The following TAF1A variants were observed in gnomAD, a reference collection of about 807,000 sequenced individuals.
The protein encoded by TAF1A is TATA-box binding protein associated factor, RNA polymerase I subunit A.
A neutral mutation model predicts 61.6 loss-of-function variants in TAF1A; 42 were observed. The ratio of observed to expected loss-of-function variants is 0.68; its 90% CI spans 0.53 to 0.88. The LOEUF (loss-of-function observed/expected upper bound fraction) is 0.88. Ranked by LOEUF, TAF1A falls within the 40% of genes least tolerant of loss-of-function variation. The pLI is 0.00. For synonymous variants in TAF1A, 179 were observed against 177.7 expected, an observed-to-expected ratio of 1.01 and a Z score of -0.06; for missense variants, 424 against 518.7, an observed-to-expected ratio of 0.82 and a Z score of 1.77.
At chr1:222,585,686 A>G (rs1235646825) in intron 2 of TAF1A, among the ~76,000 whole-genome samples, 4 of 144,326 alleles carry the variant, frequency 2.8e-5, no homozygotes. Flanking sequence ...CAACCTAGAA[A>G]AAGTTTTAAT....
chr1:222,580,826 G>A (rs1660758852), intron 3 of TAF1A, among the ~76,000 whole-genome samples: 2 of 151,854 alleles, frequency 1.3e-5, no homozygotes, highest in South Asian at 4.2e-4. Context: ...CACCACCAGT[G>A]TACACAGTAA....
At chr1:222,560,322 G>A (rs949358670) in intron 10 of TAF1A, among the ~76,000 whole-genome samples, 2 of 152,154 alleles carry the variant, frequency 1.3e-5, no homozygotes, top group African/African-American at 4.8e-5. Flanking sequence ...TATTTGTAGA[G>A]CACTTTAGAA....
chr1:222,569,883 G>T (rs1660279781), intron 6 of TAF1A, among the ~76,000 whole-genome samples: 1 of 152,062 alleles, frequency 6.6e-6, no homozygotes, highest in Non-Finnish European at 1.5e-5. Flanking sequence ...TCAAAGCAGG[G>T]AACACTAATG....
At chr1:222,581,297 G>A (rs190595140) in intron 3 of TAF1A, among the ~76,000 whole-genome samples, 2 of 152,310 alleles carry the variant, frequency 1.3e-5, no homozygotes, top group African/African-American at 4.8e-5. Flanking sequence ...ATGTTTTACA[G>A]GAGTATGTAA....
rs1478108578 is a variant in TAF1A at position 222,588,496 on chromosome 1, A to G, written c.68T>C (p.Leu23Pro). The G allele has an allele frequency of 1.2e-6, 2 of 1,614,102 alleles. No individual in the cohort carries two copies. The highest frequency in any genetic ancestry group is 1.7e-5 in the Admixed American group (1 of 60,018). The change falls in exon 2 of 11, where the codon CTC (leucine) becomes CCC (proline). Residue 23 changes from leucine to proline, a missense_variant. Leu to Pro is a moderately conservative substitution (Grantham distance 98, BLOSUM62 -3). Coordinates refer to ENST00000352967, the MANE Select transcript of TAF1A (RefSeq NM_005681.4). ...TDDEEVETSV[L>P]SGAGMHFPWL... is the part of the protein sequence containing the mutation. ...AGGAAAATGCATTCCTGCACCACTGAGCACAGATGTTTCCACTTCTTCATC... is the reference window on the plus strand; with the variant it reads ...AGGAAAATGCATTCCTGCACCACTGGGCACAGATGTTTCCACTTCTTCATC...
intron 7 of TAF1A, among the ~76,000 whole-genome samples, chr1:222,568,469 C>T (rs1382813503): frequency 1.8e-5 from 2 of 112,688 alleles, no homozygotes; most frequent in Non-Finnish European, 3.9e-5. Context: ...TAGTTGGACA[C>T]ATGACAAAAG....
intron 5 of TAF1A, among the ~76,000 whole-genome samples, chr1:222,572,444 A>G (rs1231107521): frequency 6.6e-6 from 1 of 152,028 alleles, no homozygotes; most frequent in Non-Finnish European, 1.5e-5. Context: ...GCCTCACTCT[A>G]CCTCCTGGGC....
At position 222,577,479 on chromosome 1, in the gene TAF1A, G is replaced by C. The variant is rs1199842909; in HGVS notation, c.570C>G (p.Thr190=). Residue 190 remains threonine, a synonymous_variant, in exon 5 of 11, where the codon ACC becomes ACG. Transcript: ENST00000352967. ...QAYKGLLQYY[T]WSEKKMELSK... ...ACAATTCCATCTTCTTTTCAGACCA[G>C]GTATAATACTGTAAAAGCCCTTTAT... 6.2e-7 allele frequency: 1 copy of C among 1,613,788 alleles called. No individual in the cohort carries two copies. The highest frequency in any genetic ancestry group is 1.7e-5 in the Admixed American group (1 of 60,004).
intron 9 of TAF1A, among the ~76,000 whole-genome samples, chr1:222,562,186 T>C (rs542409140): frequency 1.3e-5 from 2 of 152,240 alleles, no homozygotes; most frequent in Non-Finnish European, 2.9e-5. Context: ...ACATGTTTCA[T>C]ATACATATAG....
At chr1:222,576,063 A>G (rs1251283208) in intron 5 of TAF1A, among the ~76,000 whole-genome samples, 1 of 152,234 alleles carries the variant, frequency 6.6e-6, no homozygotes, top group Admixed American at 6.5e-5. Flanking sequence ...AAACGGGAAG[A>G]TATCTGGACT....
chr1:222,561,233 T>C, intron 10 of TAF1A, 131 bp downstream of exon 10: 2 of 819,980 alleles, frequency 2.4e-6, no homozygotes, highest in Admixed American at 3.2e-5. Flanking sequence ...CACTCTTCCA[T>C]TGAGCAGTTA....
At chr1:222,583,412 C>A (rs369601326) in intron 3 of TAF1A, among the ~76,000 whole-genome samples, 31 of 97,630 alleles carry the variant, frequency 3.2e-4, no homozygotes, top group Middle Eastern at 9.0e-3. Context: ...GTATAAAAAA[C>A]GTCTTGATAA....
intron 5 of TAF1A, 44 bp downstream of exon 5, chr1:222,577,401 C>T: frequency 6.8e-7 from 1 of 1,474,036 alleles, no homozygotes; most frequent in Non-Finnish European, 9.5e-7. Context: ...ATCCCTCTGC[C>T]CCTCAGTCTC....
In TAF1A at chr1:222,584,204, T is replaced by G. The variant is rs1468147284; in HGVS notation, c.215A>C (p.Gln72Pro). The G allele has an allele frequency of 3.7e-6, 6 of 1,613,156 alleles. No homozygotes were observed. The highest frequency in any genetic ancestry group is 5.1e-6 in the Non-Finnish European group (6 of 1,179,766). Reference protein sequence around the residue: ...QEALLKHQWQQAAEYMYSYFQ... With the variant: ...QEALLKHQWQPAAEYMYSYFQ... ...ATAACTGTACATGTATTCTGCAGCTTGCTGCCATTGGTGCTTCAGCAGAGC... is the reference window on the plus strand; with the variant it reads ...ATAACTGTACATGTATTCTGCAGCTGGCTGCCATTGGTGCTTCAGCAGAGC... The change falls in exon 3 of 11, where the codon CAA becomes CCA. Residue 72 changes from glutamine (Q) to proline (P), a missense_variant. By Grantham distance (76) the Gln-to-Pro change is moderately conservative. Coordinates refer to ENST00000352967, the MANE Select transcript of TAF1A (RefSeq NM_005681.4).
downstream of TAF1A, among the ~76,000 whole-genome samples, chr1:222,555,222 C>G (rs929437290): frequency 6.6e-6 from 1 of 151,956 alleles, no homozygotes; most frequent in African/African-American, 2.4e-5. Flanking sequence ...TATGGAGGTT[C>G]CCCCAAAAAA....
At chr1:222,566,206 A>G (rs961618338) in intron 7 of TAF1A, among the ~76,000 whole-genome samples, 5 of 152,188 alleles carry the variant, frequency 3.3e-5, no homozygotes, top group African/African-American at 1.2e-4. Flanking sequence ...CAAATGGCCA[A>G]TAAGCACATG....
chr1:222,587,866 A>C (rs1242446305), intron 2 of TAF1A, among the ~76,000 whole-genome samples: 1 of 152,138 alleles, frequency 6.6e-6, no homozygotes, highest in Non-Finnish European at 1.5e-5. Context: ...AGCCTGCCCA[A>C]CATGGTGAAA....
intron 5 of TAF1A, 148 bp downstream of exon 5, chr1:222,577,297 T>C (rs1270342082): frequency 7.9e-6 from 5 of 634,948 alleles, no homozygotes; most frequent in Non-Finnish European, 1.4e-5. Flanking sequence ...ATCAGAAATA[T>C]TATAAAGGAT....
At chr1:222,559,674 T>C (rs1304760747) in intron 10 of TAF1A, among the ~76,000 whole-genome samples, 1 of 152,052 alleles carries the variant, frequency 6.6e-6, no homozygotes, top group Non-Finnish European at 1.5e-5. Flanking sequence ...ATTGCTAACA[T>C]CTTTGTTTTG....
Sources: allele counts gnomAD v4.1 joint callset (sites outside exome capture counted in the v4.1 genomes callset), GRCh38; gene constraint gnomAD v4.1.1; transcripts MANE v1.5; gene names NCBI Gene and HGNC (gene_info 2026-07-23, HGNC 2026-07-21).